The following ZBTB17 variants were observed in gnomAD, a reference collection of about 807,000 sequenced individuals.
The protein encoded by ZBTB17 is zinc finger and BTB domain containing 17.
ZBTB17 carries 24 observed loss-of-function variants against 85.1 expected under a neutral mutation model. The observed-to-expected ratio is 0.28, with a 90% CI of 0.20 to 0.40. The LOEUF (loss-of-function observed/expected upper bound fraction) is 0.40, where lower values mean the gene tolerates loss of function less well. Among genes scored for constraint, ZBTB17 ranks in the 10% least tolerant of loss-of-function variants. The pLI is 1.00. For synonymous variants in ZBTB17, 464 were observed against 460.2 expected (o/e 1.01, Z -0.11); for missense variants, 743 against 1,105.1 (o/e 0.67, Z 4.65).
chr1:15,943,990 G>T (rs1251755838), intron 9 of ZBTB17, 95 bp from the exon 10 acceptor site: 1 of 1,271,684 alleles, frequency 7.9e-7, no homozygotes, highest in Non-Finnish European at 1.1e-6. Flanking sequence ...TGACTCTCAG[G>T]CTTGCCAGGG....
chr1:15,943,376 G>A, intron 12 of ZBTB17, 23 bp downstream of exon 12: 2 of 1,582,156 alleles, frequency 1.3e-6, no homozygotes. Flanking sequence ...TCTGGCCAGT[G>A]GGTGTGGGGG....
chr1:15,945,202 T>G lies in ZBTB17; in HGVS notation c.662A>C (p.Glu221Ala), dbSNP rs2071546333. ...TTTCCGGGCGGGCTCCACCTCCATT[T>G]CTGCGGAGAAAAGGGCAAGCATGGA... ...EAALSESSEQEMEVEPARKGE... is the reference protein window; with the variant it reads ...EAALSESSEQAMEVEPARKGE... The change falls in exon 7 of 16, where the codon GAA becomes GCA. Residue 221 changes from glutamate to alanine, a missense_variant and splice_region_variant. Transcript: ENST00000375743. 1.3e-6 allele frequency: 2 copies of G among 1,551,976 alleles called. No individual in the cohort carries two copies. The highest frequency in any genetic ancestry group is 1.7e-6 in the Non-Finnish European group (2 of 1,147,484).
At chr1:15,963,843 C>A (rs2072343542) in intron 2 of ZBTB17, among the ~76,000 whole-genome samples, 1 of 152,114 alleles carries the variant, frequency 6.6e-6, no homozygotes, top group South Asian at 2.1e-4. Flanking sequence ...CAGTGGCTCA[C>A]ACCTCTAATC....
At chr1:15,975,448 C>G (rs753845211) in intron 1 of ZBTB17, among the ~76,000 whole-genome samples, 4 of 152,230 alleles carry the variant, frequency 2.6e-5, no homozygotes, top group African/African-American at 9.6e-5. Context: ...ATCACTCGCT[C>G]TAGCTTCACC....
At chr1:15,969,410 T>C (rs911115567) in intron 2 of ZBTB17, among the ~76,000 whole-genome samples, 1 of 151,756 alleles carries the variant, frequency 6.6e-6, no homozygotes, top group Non-Finnish European at 1.5e-5. Context: ...CTCAGCCCCC[T>C]TTCTGTGATA....
intron 2 of ZBTB17, chr1:15,970,146 C>T: frequency 1.7e-6 from 1 of 581,590 alleles, no homozygotes; most frequent in Middle Eastern, 3.9e-4. Flanking sequence ...TTTGTCTTAT[C>T]AATTTCTTTA....
At position 15,946,974 on chromosome 1, in the gene ZBTB17, T is replaced by C. The variant is rs750038780; in HGVS notation, c.355A>G (p.Thr119Ala). 4 of 1,613,574 alleles carry C rather than the reference T, an allele frequency of 2.5e-6. No homozygotes were observed. Among genetic ancestry groups the C allele is most frequent in the African/African-American group, 2.7e-5 (2 of 74,946 alleles). Reference protein sequence around the residue: ...HALKSLAEPATSPGGNAEALA... With the variant: ...HALKSLAEPAASPGGNAEALA... ...GCCTCCGCATTTCCCCCAGGGCTGGTAGCCGGCTCAGCAAGTGACTTGAGG... is the reference window on the plus strand; with the variant it reads ...GCCTCCGCATTTCCCCCAGGGCTGGCAGCCGGCTCAGCAAGTGACTTGAGG... Residue 119 changes from threonine to alanine, a missense_variant, in exon 4 of 16, where the codon ACC (threonine) becomes GCC (alanine). By Grantham distance (58) the Thr-to-Ala change is moderately conservative. This residue lies in a region of ZBTB17 where 279 missense variants were observed against 269.9 expected (regional missense o/e 1.03). Transcript: ENST00000375743.
At chr1:15,945,637 G>T in intron 6 of ZBTB17, 78 bp downstream of exon 6, 1 of 1,571,242 alleles carries the variant, frequency 6.4e-7, no homozygotes. Flanking sequence ...GGAGGAGAGG[G>T]AGGCCCCAGT....
At chr1:15,960,712 C>T (rs1171249888) in intron 2 of ZBTB17, among the ~76,000 whole-genome samples, 1 of 152,198 alleles carries the variant, frequency 6.6e-6, no homozygotes, top group Non-Finnish European at 1.5e-5. Flanking sequence ...AAAGGAAGGG[C>T]CGGATGGCCC....
At position 15,942,167 on chromosome 1, in the gene ZBTB17, G is replaced by A. The variant is rs1242628664; in HGVS notation, c.2214C>T (p.Ile738=). Residue 738 remains isoleucine (I), a synonymous_variant, in exon 16 of 16, where the codon ATC becomes ATT. Transcript: ENST00000375743. ...DANSLAQHVR[I]HTAQALVMFQ... is the part of the protein sequence containing the mutation. ...ACATGACCAGTGCCTGGGCTGTGTG[G>A]ATTCGCACATGCTGAGCCAGGCTGT... 1 of 1,613,600 alleles carries A rather than the reference G, an allele frequency of 6.2e-7. No homozygotes were observed. Among genetic ancestry groups the A allele is most frequent in the Non-Finnish European group, 8.5e-7 (1 of 1,180,034 alleles).
At position 15,945,679 on chromosome 1, in the gene ZBTB17, A is replaced by G. The variant is rs747555972; in HGVS notation, c.661+36T>C. 7.5e-6 allele frequency: 12 copies of G among 1,603,256 alleles called. No individual in the cohort carries two copies. In the African/African-American group the frequency reaches 1.3e-4, roughly 18 times the overall value. ...TGGAGGCAGGGCCCTGGGAGGATGCACCAGGTAGGGCCTGGTCCTGGCTGG... is the reference window on the plus strand; with the variant it reads ...TGGAGGCAGGGCCCTGGGAGGATGCGCCAGGTAGGGCCTGGTCCTGGCTGG... On this transcript the variant is annotated intron_variant, in intron 6 of 15. Transcript: ENST00000375743.
rs2071852229 is a variant in ZBTB17, at chr1:15,951,780, A to G, written c.-2-3283T>C. ...GCAGGACGGCCAGGCTTGGAGGGAC[A>G]TAGGAAAAGGGTTTGGGAGCGAAGG... is the stretch of plus-strand genomic sequence containing the variant. On this transcript the variant is annotated intron_variant, in intron 2 of 15. Transcript: ENST00000375743. The surrounding 1 kb of genome is among the most constrained non-coding windows in gnomAD (Gnocchi z 4.1). Among the ~76,000 whole-genome samples the G allele has an allele frequency of 6.6e-6, 1 of 152,104 alleles. No individual in the cohort carries two copies. The highest frequency in any genetic ancestry group is 2.1e-4 in the South Asian group (1 of 4,828).
chr1:15,948,142 G>T, intron 3 of ZBTB17, 149 bp downstream of exon 3: 1 of 899,924 alleles, frequency 1.1e-6, no homozygotes. Flanking sequence ...GAGGAACTTA[G>T]TACTGAATTG....
rs2072246639 is a variant in ZBTB17 at position 15,961,194 on chromosome 1, T to C, written c.-3+11845A>G. 2.6e-5 allele frequency among the ~76,000 whole-genome samples: 4 copies of C among 152,340 alleles called. No individual in the cohort carries two copies. In the South Asian group the frequency reaches 8.3e-4, roughly 32 times the overall value. ...ATGAGGCTGCCATGCATTCGAAGTATAACAGATACAGTGTGACAATTAAAA... is the reference window on the plus strand; with the variant it reads ...ATGAGGCTGCCATGCATTCGAAGTACAACAGATACAGTGTGACAATTAAAA... On this transcript the variant is annotated intron_variant, in intron 2 of 15. Coordinates refer to ENST00000375743, the MANE Select transcript of ZBTB17 (RefSeq NM_003443.3).
chr1:15,963,879 G>C (rs905293613), intron 2 of ZBTB17, among the ~76,000 whole-genome samples: 7 of 152,074 alleles, frequency 4.6e-5, no homozygotes, highest in Non-Finnish European at 8.8e-5. Context: ...GCCAAAGCAG[G>C]AGGAGTGCTT....
chr1:15,971,440 ATATATATACACACACAC>A (rs1335952171), intron 2 of ZBTB17, among the ~76,000 whole-genome samples: 4 of 84,006 alleles, frequency 4.8e-5, no homozygotes, highest in East Asian at 4.0e-4. Context: ...CACACACACT[ATATATATACACACACAC>A]TATATATACA....
chr1:15,954,181 C>T (rs2071964247), intron 2 of ZBTB17, among the ~76,000 whole-genome samples: 1 of 152,218 alleles, frequency 6.6e-6, no homozygotes, highest in African/African-American at 2.4e-5. Context: ...CCCAAGAGTG[C>T]TCCCAGACAA....
rs754849320 is a variant in ZBTB17, at chr1:15,942,212, C to T, written c.2169G>A (p.Gly723=). The change falls in exon 16 of 16, where the codon GGG becomes GGA. Residue 723 remains glycine (G), a synonymous_variant. Coordinates refer to ENST00000375743, the MANE Select transcript of ZBTB17 (RefSeq NM_003443.3). ...THILYACDSC[G]DKFLDANSLA... ...GGCTGTTGGCATCCAGAAACTTGTC[C>T]CCACAGGAGTCACAGGCGTAGAGGA... is the stretch of plus-strand genomic sequence containing the variant. 209 of 1,613,852 alleles carry T rather than the reference C, an allele frequency of 1.3e-4. 3 individuals are homozygous for T. In the East Asian group the frequency reaches 4.7e-3, roughly 36 times the overall value.
chr1:15,961,120 AG>A lies in ZBTB17; in HGVS notation c.-3+11918del, dbSNP rs1409827848. 1.3e-4 allele frequency among the ~76,000 whole-genome samples: 20 copies of A among 152,374 alleles called. No individual in the cohort carries two copies. The East Asian group carries it at 3.7e-3, about 28-fold the overall frequency. ...CAGAGTGAGACCCCGTCTCAAAAAA[AG>A]AAAAAAGATTTAAGAAATGTTGAAT... On this transcript the variant is annotated intron_variant, in intron 2 of 15. Transcript: ENST00000375743.
Sources: allele counts gnomAD v4.1 joint callset (sites outside exome capture counted in the v4.1 genomes callset), GRCh38; gene constraint gnomAD v4.1.1; regional missense constraint gnomAD v4.1.1; non-coding constraint Gnocchi (gnomAD v3.1); transcripts MANE v1.5; gene names NCBI Gene and HGNC (gene_info 2026-07-23, HGNC 2026-07-21).